SERPINA11: variants seen among roughly 807,000 people sequenced by gnomAD.
SERPINA11 encodes serpin A11.
A neutral mutation model predicts 29.4 loss-of-function variants in SERPINA11; 28 were observed. That is an observed-to-expected ratio of 0.95 (90% CI 0.70 to 1.30). SERPINA11 has a LOEUF of 1.30. SERPINA11 is among the 50% of genes most tolerant of loss of function. The pLI is 0.00. For missense variants in SERPINA11, 530 were observed against 507.3 expected (o/e 1.04, Z -0.43); for synonymous variants, 253 against 206.6 (o/e 1.22, Z -1.92).
At chr14:94,446,644 C>T in intron 2 of SERPINA11, 40 bp from the exon 3 acceptor site, 1 of 1,575,420 alleles carries the variant, frequency 6.3e-7, no homozygotes, top group Non-Finnish European at 8.6e-7. Context: ...GAACTCTTTT[C>T]AAGAGAGCAA....
chr14:94,442,654 G>T lies in SERPINA11; in HGVS notation c.1221C>A (p.Thr407=), dbSNP rs374318750. 6.2e-7 allele frequency: 1 copy of T among 1,612,586 alleles called. No homozygotes were observed. Among genetic ancestry groups the T allele is most frequent in the East Asian group, 2.2e-5 (1 of 44,796 alleles). ...PFLLLLWEVT[T]QSLLFLGKVV... ...CTTTTCCCAGGAAGAGTAAGCTCTG[G>T]GTGGTGACCTCCCAAAGGAGCAAGA... Residue 407 remains threonine, a synonymous_variant, in exon 5 of 5, where the codon ACC becomes ACA. Coordinates refer to ENST00000334708, the MANE Select transcript of SERPINA11 (RefSeq NM_001080451.2).
At chr14:94,445,024 C>T (rs1898410083) in intron 3 of SERPINA11, among the ~76,000 whole-genome samples, 1 of 152,196 alleles carries the variant, frequency 6.6e-6, no homozygotes, top group Non-Finnish European at 1.5e-5. Context: ...ACCCTAGCTG[C>T]CATATACCAG....
In SERPINA11 at chr14:94,446,734, C is replaced by T. The variant is rs997235940; in HGVS notation, c.644-130G>A. 1.2e-5 allele frequency: 10 copies of T among 852,154 alleles called. No homozygotes were observed. The African/African-American group carries it at 1.7e-4, about 14-fold the overall frequency. 52.8% of individuals were successfully genotyped at this position (852,154 alleles called of 1,614,324 possible). ...CAAAAAATGTGGAATGGTTACAGAG[C>T]CAGGAGACCAGAATTTAGGCCTGGC... On this transcript the variant is annotated intron_variant, in intron 2 of 4. Transcript: ENST00000334708.
rs1455244536 is a variant in SERPINA11 at position 94,446,407 on chromosome 14, G to C, written c.841C>G (p.Pro281Ala). ...GCCTCCACCTGCTTCATTTTCCCCG[G>C]GTCAGGGAGGACCAGCAGCGCCAAG... Reference protein sequence around the residue: ...NALALLVLPDPGKMKQVEAAL... With the variant: ...NALALLVLPDAGKMKQVEAAL... The change falls in exon 3 of 5, where the codon CCG becomes GCG. Residue 281 changes from proline to alanine, a missense_variant. Physicochemically the swap from Pro to Ala is conservative, Grantham distance 27. Transcript: ENST00000334708. The C allele has an allele frequency of 6.2e-7, 1 of 1,614,078 alleles. No homozygotes were observed. The highest frequency in any genetic ancestry group is 1.7e-5 in the Admixed American group (1 of 60,026).
Position 94,446,342 on chromosome 14 carries a change from C to T in SERPINA11, c.906G>A (p.Leu302=). Residue 302 remains leucine, a synonymous_variant, in exon 3 of 5, where the codon TTG becomes TTA. Transcript: ENST00000334708. Reference sequence around the variant, plus strand: ...GCTGTGACACTTACCTGGGCAGGAGCAATTGGCCCCATTTTCTCAGGGTCT... The same window carrying T: ...GCTGTGACACTTACCTGGGCAGGAGTAATTGGCCCCATTTTCTCAGGGTCT... ...QPQTLRKWGQ[L]LLPSLLDLHL... 1 of 1,612,928 alleles carries T rather than the reference C, an allele frequency of 6.2e-7. No homozygotes were observed. Among genetic ancestry groups the T allele is most frequent in the Non-Finnish European group, 8.5e-7 (1 of 1,179,824 alleles).
At chr14:94,446,170 GC>G (rs1186832078) in intron 3 of SERPINA11, among the ~76,000 whole-genome samples, 160 bp downstream of exon 3, 2 of 152,134 alleles carry the variant, frequency 1.3e-5, no homozygotes, top group African/African-American at 4.8e-5. Context: ...TACAGTAGAG[GC>G]CCAAAAAAGG....
chr14:94,446,516 C>A lies in SERPINA11; in HGVS notation c.732G>T (p.Met244Ile). ...ATCTGTGCATTTCCTTTTGGTGCAT[C>A]ATGGGGACCTGGAGAGAAGTCCTCT... ...VDERTSLQVP[M>I]MHQKEMHRFL... The change falls in exon 3 of 5, where the codon ATG becomes ATT. Residue 244 changes from methionine (M) to isoleucine (I), a missense_variant. Transcript: ENST00000334708. 6.2e-7 allele frequency: 1 copy of A among 1,614,216 alleles called. No homozygotes were observed. Among genetic ancestry groups the A allele is most frequent in the Non-Finnish European group, 8.5e-7 (1 of 1,180,040 alleles).
Position 94,449,433 on chromosome 14 carries a change from C to G in SERPINA11, c.-3-656G>C, listed in dbSNP as rs530406882. Reference sequence around the variant, plus strand: ...TCTTTCTTTCTTTCTTTCTTTCTTTCTTTCTTTCTTTCTTTCTTTCTTTCT... The same window carrying G: ...TCTTTCTTTCTTTCTTTCTTTCTTTGTTTCTTTCTTTCTTTCTTTCTTTCT... On this transcript the variant is annotated intron_variant, in intron 1 of 4. Coordinates refer to ENST00000334708, the MANE Select transcript of SERPINA11 (RefSeq NM_001080451.2). Among the ~76,000 whole-genome samples the G allele has an allele frequency of 7.9e-5, 8 of 101,102 alleles. 1 individual carries two copies. The highest frequency in any genetic ancestry group is 1.8e-4 in the African/African-American group (3 of 16,858). The allele number at this position is 101,102 out of a possible 152,430, so 66.3% of individuals were successfully genotyped here. A position where few individuals can be genotyped will look rare whatever the true frequency, so the allele number is the denominator to read the frequency against.
rs115199220 is a variant in SERPINA11, at chr14:94,451,332, G to A, written c.-4+1397C>T. On this transcript the variant is annotated intron_variant, in intron 1 of 4. Transcript: ENST00000334708. Reference sequence around the variant, plus strand: ...ACTGTGGGCACGCCCCCAAGGCTACGTCCTCCCTTTCTCCAGCACAGTGTG... The same window carrying A: ...ACTGTGGGCACGCCCCCAAGGCTACATCCTCCCTTTCTCCAGCACAGTGTG... 4.6e-3 allele frequency among the ~76,000 whole-genome samples: 706 copies of A among 152,298 alleles called. 5 individuals are homozygous for A. The highest frequency in any genetic ancestry group is 0.016 in the African/African-American group (673 of 41,562).
rs535329947 is a variant in SERPINA11, at chr14:94,449,927, C to T, written c.-3-1150G>A. On this transcript the variant is annotated intron_variant, in intron 1 of 4. Transcript: ENST00000334708. ...AAGGAAAGGATGATGTGCAAAGCCT[C>T]GGTCAGGCCCCAAGAGAAAGAAGAG... Among the ~76,000 whole-genome samples the T allele has an allele frequency of 7.9e-4, 121 of 152,304 alleles. 1 individual carries two copies. The highest frequency in any genetic ancestry group is 2.7e-3 in the African/African-American group (113 of 41,562).
chr14:94,444,169 G>C (rs1190779434), intron 3 of SERPINA11, among the ~76,000 whole-genome samples: 1 of 152,122 alleles, frequency 6.6e-6, no homozygotes, highest in African/African-American at 2.4e-5. Flanking sequence ...CAGTTGGCTG[G>C]GGGGTGGAAT....
rs770442987 is a variant in SERPINA11 at position 94,448,616 on chromosome 14, G to C, written c.159C>G (p.Thr53=). The C allele has an allele frequency of 6.2e-7, 1 of 1,612,738 alleles. No homozygotes were observed. Among genetic ancestry groups the C allele is most frequent in the South Asian group, 1.1e-5 (1 of 91,020 alleles). ...ACAAACGCAAAGCAAAATTGGTAAT[G>C]GTGGGTGTGATTCTGTGGTAGGCGG... ...PAPAYHRITP[T]ITNFALRLYK... is the part of the protein sequence containing the mutation. The change falls in exon 2 of 5, where the codon ACC becomes ACG. Residue 53 remains threonine (T), a synonymous_variant. Coordinates refer to ENST00000334708, the MANE Select transcript of SERPINA11 (RefSeq NM_001080451.2).
At chr14:94,445,834 C>T (rs140668803) in intron 3 of SERPINA11, among the ~76,000 whole-genome samples, 1,694 of 152,310 alleles carry the variant, frequency 0.011, 18 homozygotes, top group African/African-American at 0.031. Flanking sequence ...ACCTTGGCCT[C>T]CCAAAGCACT....
At chr14:94,450,950 A>G (rs1010890553) in intron 1 of SERPINA11, among the ~76,000 whole-genome samples, 14 of 152,124 alleles carry the variant, frequency 9.2e-5, no homozygotes, top group Admixed American at 3.3e-4. Context: ...GACCCTCCCA[A>G]ATCTTGATTT....
chr14:94,444,829 G>A (rs568059097), intron 3 of SERPINA11, among the ~76,000 whole-genome samples: 1 of 152,212 alleles, frequency 6.6e-6, no homozygotes, highest in South Asian at 2.1e-4. Context: ...TCAAAAGGTG[G>A]CATCTATGCA....
At chr14:94,448,013 C>T (rs2139777485) in intron 2 of SERPINA11, 119 bp downstream of exon 2, 1 of 998,640 alleles carries the variant, frequency 1.0e-6, no homozygotes, top group Non-Finnish European at 1.5e-6. Flanking sequence ...GGTGGGAAAG[C>T]TCTATCTTAT....
At chr14:94,447,694 C>T (rs1402872292) in intron 2 of SERPINA11, among the ~76,000 whole-genome samples, 2 of 152,220 alleles carry the variant, frequency 1.3e-5, no homozygotes. Context: ...TGTTCTATCC[C>T]AACTAAATTT....
At chr14:94,443,022 G>T in intron 4 of SERPINA11, 56 bp downstream of exon 4, 1 of 1,555,600 alleles carries the variant, frequency 6.4e-7, no homozygotes, top group Non-Finnish European at 8.7e-7. Flanking sequence ...CATGCCAAAG[G>T]AGAAACCTCC....
intron 2 of SERPINA11, among the ~76,000 whole-genome samples, chr14:94,447,728 T>C (rs1438298648): frequency 1.3e-5 from 2 of 152,158 alleles, no homozygotes; most frequent in African/African-American, 2.4e-5. Context: ...GAAAATGCAA[T>C]GATATCTCTT....
Sources: gnomAD v4.1 joint callset for allele counts (sites outside exome capture counted in the v4.1 genomes callset) on GRCh38, gnomAD v4.1.1 for gene constraint, MANE v1.5 for transcripts, NCBI Gene and HGNC (gene_info 2026-07-23, HGNC 2026-07-21) for gene names.